Variants in EXOC6B observed in about 807,000 individuals in gnomAD.
The protein encoded by EXOC6B is exocyst complex component 6B.
A neutral mutation model predicts 113.5 loss-of-function variants in EXOC6B; 54 were observed. That is an observed-to-expected ratio of 0.48 (90% CI 0.38 to 0.60). The LOEUF (loss-of-function observed/expected upper bound fraction) is 0.60, where lower values mean the gene tolerates loss of function less well. EXOC6B is among the 20% of genes least tolerant of loss of function. The probability of loss-of-function intolerance (pLI) is 0.00; values close to 1 mark genes in which losing one functional copy is unlikely to be tolerated. For missense variants in EXOC6B, 797 were observed against 977.5 expected (o/e 0.82, Z 2.46); for synonymous variants, 357 against 339.0 (o/e 1.05, Z -0.58).
chr2:72,229,968 A>T (rs776045851), intron 20 of EXOC6B, among the ~76,000 whole-genome samples: 1 of 152,164 alleles, frequency 6.6e-6, no homozygotes, highest in African/African-American at 2.4e-5. Context: ...ACTTCACTGT[A>T]CAATGTTACC....
intron 17 of EXOC6B, among the ~76,000 whole-genome samples, chr2:72,467,542 A>G (rs1252104481): frequency 1.3e-5 from 2 of 152,102 alleles, no homozygotes; most frequent in Admixed American, 6.6e-5. Flanking sequence ...AAAGTCATAT[A>G]TCATTGTGGT....
At chr2:72,370,969 G>A (rs577634331) in intron 19 of EXOC6B, among the ~76,000 whole-genome samples, 13 of 151,664 alleles carry the variant, frequency 8.6e-5, no homozygotes, top group African/African-American at 2.4e-4. Context: ...TGCACATTGT[G>A]CACATGTACC....
At chr2:72,539,126 A>G (rs1291501994) in intron 8 of EXOC6B, among the ~76,000 whole-genome samples, 1 of 152,158 alleles carries the variant, frequency 6.6e-6, no homozygotes, top group Non-Finnish European at 1.5e-5. Context: ...CCAAAACCCC[A>G]GAGTAGTGCA....
chr2:72,612,403 G>A (rs1366536996), intron 6 of EXOC6B, among the ~76,000 whole-genome samples: 2 of 152,136 alleles, frequency 1.3e-5, no homozygotes, highest in Non-Finnish European at 2.9e-5. Flanking sequence ...AAGTGAGGCA[G>A]ATGCTGGTCT....
At chr2:72,260,803 C>G (rs1255332512) in intron 20 of EXOC6B, among the ~76,000 whole-genome samples, 1 of 152,284 alleles carries the variant, frequency 6.6e-6, no homozygotes, top group Admixed American at 6.5e-5. Flanking sequence ...AAGAGACTAT[C>G]CACCAAAACC....
chr2:72,287,718 G>C (rs1044872986), intron 20 of EXOC6B, among the ~76,000 whole-genome samples: 1 of 151,944 alleles, frequency 6.6e-6, no homozygotes, highest in African/African-American at 2.4e-5. Flanking sequence ...AAAATTCCTA[G>C]AAAACACAAT....
At chr2:72,612,885 ACTCAAAAAAGTTT>A (rs1161180099) in intron 6 of EXOC6B, among the ~76,000 whole-genome samples, 4 of 152,228 alleles carry the variant, frequency 2.6e-5, no homozygotes, top group Non-Finnish European at 5.9e-5. Context: ...TGATGTCTGT[ACTCAAAAAAGTTT>A]CTTATTGGAT....
chr2:72,377,697 G>A (rs1456479287), intron 19 of EXOC6B, among the ~76,000 whole-genome samples: 1 of 152,194 alleles, frequency 6.6e-6, no homozygotes, highest in Non-Finnish European at 1.5e-5. Flanking sequence ...GGCTGCAAAT[G>A]AACTCAAAGA....
chr2:72,330,749 G>C (rs139819013), intron 20 of EXOC6B, among the ~76,000 whole-genome samples: 9 of 152,122 alleles, frequency 5.9e-5, no homozygotes, highest in Admixed American at 2.0e-4. Flanking sequence ...CTTGAATTTG[G>C]ACTGGACTTG....
At chr2:72,296,360 C>T (rs749781355) in intron 20 of EXOC6B, among the ~76,000 whole-genome samples, 121 of 152,126 alleles carry the variant, frequency 8.0e-4, no homozygotes, top group Admixed American at 3.3e-3. Flanking sequence ...ATTTCCTTGG[C>T]TTTCTAATGA....
chr2:72,420,580 T>C (rs1159515714), intron 18 of EXOC6B, among the ~76,000 whole-genome samples: 1 of 152,230 alleles, frequency 6.6e-6, no homozygotes, highest in African/African-American at 2.4e-5. Flanking sequence ...TCCTTTTTTA[T>C]GGCTGCATAG....
chr2:72,396,602 G>A (rs769882711), intron 18 of EXOC6B, among the ~76,000 whole-genome samples: 2 of 152,004 alleles, frequency 1.3e-5, no homozygotes, highest in Non-Finnish European at 2.9e-5. Context: ...CAGAATATGG[G>A]ACATCAAACA....
intron 8 of EXOC6B, among the ~76,000 whole-genome samples, chr2:72,544,657 T>G (rs371672895): frequency 9.2e-5 from 14 of 152,226 alleles, no homozygotes; most frequent in Middle Eastern, 3.4e-3. Context: ...TCAATGACAT[T>G]TGAAAGAGAG....
chr2:72,747,101 A>G (rs138577671), intron 1 of EXOC6B, among the ~76,000 whole-genome samples: 2 of 152,200 alleles, frequency 1.3e-5, no homozygotes, highest in Admixed American at 1.3e-4. Context: ...AAGATGAGTA[A>G]GTTGCCTATT....
At chr2:72,713,149 A>C (rs1679378128) in intron 6 of EXOC6B, among the ~76,000 whole-genome samples, 1 of 152,206 alleles carries the variant, frequency 6.6e-6, no homozygotes, top group Non-Finnish European at 1.5e-5. Flanking sequence ...AAAGAAGCCT[A>C]TGTACCAACC....
chr2:72,327,982 G>C (rs1016405849), intron 20 of EXOC6B, among the ~76,000 whole-genome samples: 2 of 152,054 alleles, frequency 1.3e-5, no homozygotes, highest in Admixed American at 6.6e-5. Flanking sequence ...TGCATATGCT[G>C]ATCCAGCCTT....
intron 20 of EXOC6B, among the ~76,000 whole-genome samples, chr2:72,258,389 G>C (rs112931200): frequency 0.013 from 1,928 of 142,962 alleles, 48 homozygotes; most frequent in African/African-American, 0.047. Context: ...TTTGAGACAG[G>C]GTGTTACTCT....
chr2:72,508,981 G>A (rs533367682), intron 11 of EXOC6B, among the ~76,000 whole-genome samples: 14 of 151,842 alleles, frequency 9.2e-5, no homozygotes, highest in African/African-American at 3.4e-4. Context: ...TGGACAGACT[G>A]TTGTTTCTGC....
chr2:72,330,122 C>T (rs1296580878), intron 20 of EXOC6B, among the ~76,000 whole-genome samples: 1 of 152,060 alleles, frequency 6.6e-6, no homozygotes, highest in Non-Finnish European at 1.5e-5. Context: ...AAGTAAATAA[C>T]TGTTGGGGCC....
Sources: gnomAD v4.1 joint callset for allele counts (sites outside exome capture counted in the v4.1 genomes callset) on GRCh38, gnomAD v4.1.1 for gene constraint, MANE v1.5 for transcripts, NCBI Gene and HGNC (gene_info 2026-07-23, HGNC 2026-07-21) for gene names.